The following PHAF1 variants were observed in gnomAD, a reference collection of about 807,000 sequenced individuals.
The protein encoded by PHAF1 is phagosome assembly factor 1.
A neutral mutation model predicts 63.1 loss-of-function variants in PHAF1; 23 were observed. The ratio of observed to expected loss-of-function variants is 0.36; its 90% confidence interval spans 0.26 to 0.52. The LOEUF (loss-of-function observed/expected upper bound fraction) is 0.52. PHAF1 is among the 20% of genes least tolerant of loss of function. PHAF1 has a pLI of 0.93. For synonymous variants in PHAF1, 167 were observed against 185.0 expected (o/e 0.90, Z 0.79); for missense variants, 427 against 517.2 (o/e 0.83, Z 1.69).
At chr16:67,145,490 C>T (rs569126906) in intron 13 of PHAF1, 71 bp downstream of exon 13, 24 of 1,612,022 alleles carry the variant, frequency 1.5e-5, no homozygotes, top group Non-Finnish European at 2.0e-5. Context: ...CAGTATGGGG[C>T]TGTGTCCTCT....
At chr16:67,144,906 G>A (rs376034052) in intron 12 of PHAF1, 29 bp downstream of exon 12, 4 of 1,609,510 alleles carry the variant, frequency 2.5e-6, no homozygotes, top group Non-Finnish European at 3.4e-6. Flanking sequence ...CAGGGTAAGG[G>A]AGGGGTTTTA....
At chr16:67,111,971 C>T (rs1962535722) in intron 1 of PHAF1, among the ~76,000 whole-genome samples, 1 of 152,134 alleles carries the variant, frequency 6.6e-6, no homozygotes, top group Non-Finnish European at 1.5e-5. Context: ...CATAACTTAA[C>T]ACCACTCCTG....
chr16:67,145,557 A>C lies in PHAF1; in HGVS notation c.1051-13A>C, dbSNP rs746552730. ...TCCCTACTAACCCCTGCTCCCCTCT[A>C]TCCCTCTTGCAGTGGGACAACATCC... On this transcript the variant is annotated splice_polypyrimidine_tract_variant and intron_variant, in intron 13 of 15. Transcript: ENST00000219139. The C allele has an allele frequency of 1.4e-5, 23 of 1,613,682 alleles. No individual in the cohort carries two copies. Among genetic ancestry groups the C allele is most frequent in the Non-Finnish European group, 1.9e-5 (23 of 1,179,874 alleles).
chr16:67,122,792 G>A (rs1426532282), intron 2 of PHAF1, among the ~76,000 whole-genome samples: 5 of 152,004 alleles, frequency 3.3e-5, no homozygotes, highest in Non-Finnish European at 7.4e-5. Context: ...ACAGTGGCAC[G>A]ATCTTGGCTC....
At chr16:67,111,504 G>A (rs1962515056) in intron 1 of PHAF1, among the ~76,000 whole-genome samples, 2 of 152,216 alleles carry the variant, frequency 1.3e-5, no homozygotes, top group Non-Finnish European at 2.9e-5. Flanking sequence ...CTTGACTCTG[G>A]AAGACTTATG....
chr16:67,146,433 G>A, intron 15 of PHAF1, 83 bp downstream of exon 15: 1 of 1,416,390 alleles, frequency 7.1e-7, no homozygotes, highest in South Asian at 1.1e-5. Flanking sequence ...AGGGAAATTG[G>A]GGAGGGCATC....
At chr16:67,134,729 A>G (rs1411188888) in intron 8 of PHAF1, 4 of 569,094 alleles carry the variant, frequency 7.0e-6, no homozygotes, top group Non-Finnish European at 1.3e-5. Context: ...GTATCCTCAT[A>G]TGGTGCAAGG....
chr16:67,145,332 G>A (rs762770743), intron 12 of PHAF1, 44 bp from the exon 13 acceptor site: 1 of 1,610,778 alleles, frequency 6.2e-7, no homozygotes, highest in South Asian at 1.1e-5. Flanking sequence ...GCCACAGGTA[G>A]GCTGGGCCAG....
intron 8 of PHAF1, among the ~76,000 whole-genome samples, chr16:67,139,392 A>G (rs1555546564): frequency 1.7e-5 from 2 of 117,594 alleles, no homozygotes; most frequent in East Asian, 2.6e-4. Context: ...TCTGTCACCC[A>G]GGCTAGAGTG....
intron 6 of PHAF1, 144 bp downstream of exon 6, chr16:67,133,055 A>G: frequency 1.5e-6 from 1 of 687,046 alleles, no homozygotes; most frequent in Middle Eastern, 4.2e-4. Flanking sequence ...TACAGGGTAA[A>G]GTGGTAGAGT....
At chr16:67,132,744 G>A (rs1487137431) in intron 5 of PHAF1, 73 bp from the exon 6 acceptor site, 9 of 1,369,738 alleles carry the variant, frequency 6.6e-6, no homozygotes, top group East Asian at 2.3e-5. Flanking sequence ...ATTACTCCCT[G>A]CCAGGCTGGT....
At chr16:67,134,578 A>G in intron 8 of PHAF1, 111 bp downstream of exon 8, 1 of 964,362 alleles carries the variant, frequency 1.0e-6, no homozygotes, top group East Asian at 2.4e-5. Flanking sequence ...GCTATAATAA[A>G]ATACCATAAA....
At chr16:67,145,065 G>A (rs1353379034) in intron 12 of PHAF1, among the ~76,000 whole-genome samples, 188 bp downstream of exon 12, 2 of 152,126 alleles carry the variant, frequency 1.3e-5, no homozygotes, top group Non-Finnish European at 2.9e-5. Context: ...AGGCCCTTGA[G>A]GCCTCTTCCT....
intron 1 of PHAF1, among the ~76,000 whole-genome samples, chr16:67,118,123 AT>A (rs772394136): frequency 0.07 from 8,439 of 120,844 alleles, 497 homozygotes; most frequent in African/African-American, 0.17. Flanking sequence ...CGCCCGGCTA[AT>A]TTTTTTTTTT....
intron 9 of PHAF1, 29 bp from the exon 10 acceptor site, chr16:67,140,482 T>A (rs1220573938): frequency 6.0e-6 from 9 of 1,498,070 alleles, no homozygotes; most frequent in Non-Finnish European, 8.4e-6. Context: ...AGGGATGGAT[T>A]TTAATTTATG....
At chr16:67,127,703 G>A (rs1963244659) in intron 3 of PHAF1, among the ~76,000 whole-genome samples, 1 of 152,140 alleles carries the variant, frequency 6.6e-6, no homozygotes, top group African/African-American at 2.4e-5. Context: ...GGCTGAGGCA[G>A]GAGAATGGCG....
intron 10 of PHAF1, 70 bp downstream of exon 10, chr16:67,140,664 G>A: frequency 8.6e-7 from 1 of 1,165,470 alleles, no homozygotes; most frequent in East Asian, 2.3e-5. Context: ...GCAGATCTGT[G>A]TGTCCACATG....
intron 6 of PHAF1, among the ~76,000 whole-genome samples, chr16:67,133,643 G>A (rs1411487870): frequency 6.6e-6 from 1 of 152,102 alleles, no homozygotes; most frequent in African/African-American, 2.4e-5. Flanking sequence ...AGCTGGGTGT[G>A]GTGGCGGGTG....
intron 4 of PHAF1, chr16:67,131,901 GTCTC>G (rs1163904571): frequency 4.6e-5 from 7 of 151,654 alleles, no homozygotes; most frequent in Admixed American, 3.3e-4. Context: ...TTGAGACGGA[GTCTC>G]TCTCTGTCAC....
Sources: allele counts gnomAD v4.1 joint callset (sites outside exome capture counted in the v4.1 genomes callset), GRCh38; gene constraint gnomAD v4.1.1; transcripts MANE v1.5; gene names NCBI Gene and HGNC (gene_info 2026-07-23, HGNC 2026-07-21).